The following ZNF608 variants were observed in gnomAD, a reference collection of about 807,000 sequenced individuals.
ZNF608 encodes zinc finger protein 608.
ZNF608 carries 12 observed loss-of-function variants against 109.0 expected under a neutral mutation model. The observed-to-expected ratio is 0.11, with a 90% CI of 0.07 to 0.18. The LOEUF (loss-of-function observed/expected upper bound fraction) is 0.18, where lower values mean the gene tolerates loss of function less well. ZNF608 is among the 10% of genes least tolerant of loss of function. The pLI, the probability that ZNF608 is intolerant of heterozygous loss-of-function variation, is 1.00. For missense variants in ZNF608, 1,707 were observed against 1,879.3 expected, an observed-to-expected ratio of 0.91 and a Z score of 1.70; for synonymous variants, 732 against 717.4, an observed-to-expected ratio of 1.02 and a Z score of -0.33.
intron 3 of ZNF608, among the ~76,000 whole-genome samples, chr5:124,669,145 T>C (rs1420916108): frequency 1.3e-5 from 2 of 152,144 alleles, no homozygotes; most frequent in East Asian, 3.9e-4. Flanking sequence ...AATATGACCA[T>C]AGACTTCCTG....
intron 3 of ZNF608, among the ~76,000 whole-genome samples, chr5:124,676,121 G>A (rs899420067): frequency 6.6e-6 from 1 of 152,146 alleles, no homozygotes; most frequent in Non-Finnish European, 1.5e-5. Flanking sequence ...CATATTTATT[G>A]AGAACTTAGT....
At chr5:124,665,246 G>A (rs1355953774) in intron 3 of ZNF608, among the ~76,000 whole-genome samples, 2 of 151,680 alleles carry the variant, frequency 1.3e-5, no homozygotes, top group Non-Finnish European at 2.9e-5. Flanking sequence ...CCACGGTGGT[G>A]ATATAATCAC....
At chr5:124,683,808 A>C (rs1374728337) in intron 3 of ZNF608, among the ~76,000 whole-genome samples, 3 of 152,232 alleles carry the variant, frequency 2.0e-5, no homozygotes, top group Non-Finnish European at 2.9e-5. Context: ...AAGGAATCTT[A>C]ATACAAGGTA....
At chr5:124,682,353 G>A (rs1429525187) in intron 3 of ZNF608, among the ~76,000 whole-genome samples, 6 of 152,224 alleles carry the variant, frequency 3.9e-5, no homozygotes, top group Middle Eastern at 3.2e-3. Context: ...GATTACAGGC[G>A]TGAGCCACTG....
intron 3 of ZNF608, among the ~76,000 whole-genome samples, chr5:124,684,726 G>T (rs1466428254): frequency 6.6e-6 from 1 of 152,096 alleles, no homozygotes; most frequent in Admixed American, 6.6e-5. Flanking sequence ...CTTTTAACTG[G>T]TCTCCCTTTT....
upstream of ZNF608, among the ~76,000 whole-genome samples, chr5:124,747,892 A>G (rs564819321): frequency 1.3e-5 from 2 of 152,258 alleles, no homozygotes; most frequent in South Asian, 2.1e-4. Flanking sequence ...CCCCCACTTC[A>G]TGTATTAAAC....
chr5:124,720,452 A>G lies in ZNF608; in HGVS notation c.907-19183T>C, dbSNP rs1753858451. On this transcript the variant is annotated intron_variant, in intron 2 of 9. Transcript: ENST00000513986. ...AAATATAAAACTTAGTAGAGGCTCT[A>G]CAAAAACCACAACCATGCTATAGCT... 3.9e-5 allele frequency among the ~76,000 whole-genome samples: 6 copies of G among 152,248 alleles called. No individual in the cohort carries two copies. In the South Asian group the frequency reaches 1.2e-3, roughly 32 times the overall value.
intron 3 of ZNF608, among the ~76,000 whole-genome samples, chr5:124,671,505 A>C (rs1580590111): frequency 6.6e-6 from 1 of 152,156 alleles, no homozygotes. Flanking sequence ...TCTCTTCTAA[A>C]TGTGTCTACC....
chr5:124,653,395 A>G (rs1189937944), intron 3 of ZNF608, among the ~76,000 whole-genome samples: 1 of 152,222 alleles, frequency 6.6e-6, no homozygotes, highest in Non-Finnish European at 1.5e-5. Flanking sequence ...CAAGCCCAAC[A>G]AACACTTATT....
At chr5:124,676,558 C>T (rs1364870581) in intron 3 of ZNF608, among the ~76,000 whole-genome samples, 7 of 151,740 alleles carry the variant, frequency 4.6e-5, no homozygotes, top group South Asian at 2.1e-4. Flanking sequence ...TGTGACGTAC[C>T]GTGTTAGCAA....
intron 6 of ZNF608, among the ~76,000 whole-genome samples, chr5:124,644,008 G>A (rs1403321099): frequency 6.6e-6 from 1 of 152,176 alleles, no homozygotes; most frequent in Non-Finnish European, 1.5e-5. Context: ...TAAAGTATCT[G>A]TCAGCCTAAC....
At chr5:124,747,638 C>G (rs1320963984), upstream of ZNF608, among the ~76,000 whole-genome samples, 2 of 151,648 alleles carry the variant, frequency 1.3e-5, no homozygotes, top group South Asian at 2.1e-4. Flanking sequence ...CCTCCTCCCC[C>G]CGCCCCCCCG....
Position 124,678,009 on chromosome 5 carries a change from C to T in ZNF608, c.1162+23005G>A, listed in dbSNP as rs550298466. Among the ~76,000 whole-genome samples, 11 of 152,224 alleles carry T rather than the reference C, an allele frequency of 7.2e-5. No individual in the cohort carries two copies. The South Asian group carries it at 2.3e-3, about 32-fold the overall frequency. On this transcript the variant is annotated intron_variant, in intron 3 of 9. Transcript: ENST00000513986. ...TATGGTAATTAATTTACTGCAGGCT[C>T]TTAATTCATAAATGGATCAAATAAA...
intron 3 of ZNF608, among the ~76,000 whole-genome samples, chr5:124,694,142 A>ATTTTTTTTTTTT (rs11320730): frequency 5.8e-3 from 374 of 63,954 alleles, no homozygotes; most frequent in Middle Eastern, 0.019. Context: ...CGCTCGGCTA[A>ATTTTTTTTTTTT]TTTTTTTTTT....
chr5:124,713,072 G>A (rs955565392), intron 2 of ZNF608, among the ~76,000 whole-genome samples: 6 of 152,076 alleles, frequency 3.9e-5, no homozygotes, highest in African/African-American at 1.2e-4. Flanking sequence ...CACCTGATTC[G>A]GGCCTTCCCA....
intron 2 of ZNF608, among the ~76,000 whole-genome samples, chr5:124,712,309 T>C (rs951700385): frequency 5.9e-5 from 9 of 152,064 alleles, no homozygotes; most frequent in African/African-American, 1.9e-4. Flanking sequence ...TGTCATGGCC[T>C]GGGATGGGGA....
intron 2 of ZNF608, among the ~76,000 whole-genome samples, chr5:124,720,614 C>T (rs1443673538): frequency 1.3e-5 from 2 of 152,002 alleles, no homozygotes; most frequent in Admixed American, 6.6e-5. Flanking sequence ...TTGTGTTTAA[C>T]GGGCAACTTC....
At chr5:124,704,152 T>TA (rs1455391989) in intron 2 of ZNF608, among the ~76,000 whole-genome samples, 1 of 152,240 alleles carries the variant, frequency 6.6e-6, no homozygotes, top group African/African-American at 2.4e-5. Flanking sequence ...AGTTTGACTA[T>TA]AAATATACAC....
Position 124,644,284 on chromosome 5 carries a change from T to A in ZNF608, c.4083A>T (p.Ala1361=). The A allele has an allele frequency of 6.2e-7, 1 of 1,613,292 alleles. No homozygotes were observed. Among genetic ancestry groups the A allele is most frequent in the Non-Finnish European group, 8.5e-7 (1 of 1,179,290 alleles). ...YPQMYDPSHP[A]YRAVSPVLMH... ...TTAGGACGGGAGAAACAGCCCGGTA[T>A]GCAGGATGGCTGGGGTCGTACATCT... is the stretch of plus-strand genomic sequence containing the variant. Residue 1361 remains alanine (A), a synonymous_variant, in exon 6 of 10, where the codon GCA becomes GCT. Transcript: ENST00000513986.
Sources: allele counts gnomAD v4.1 joint callset (sites outside exome capture counted in the v4.1 genomes callset), GRCh38; gene constraint gnomAD v4.1.1; transcripts MANE v1.5; gene names NCBI Gene and HGNC (gene_info 2026-07-23, HGNC 2026-07-21).